Variants in LRBA observed in about 807,000 individuals in gnomAD.
The protein encoded by LRBA is lipopolysaccharide-responsive and beige-like anchor protein.
A neutral mutation model predicts 330.0 loss-of-function variants in LRBA; 176 were observed. That is an observed-to-expected ratio of 0.53 (90% CI 0.47 to 0.60). The LOEUF (loss-of-function observed/expected upper bound fraction) is 0.60. Among genes scored for constraint, LRBA ranks in the 20% least tolerant of loss-of-function variants. The pLI, the probability that LRBA is intolerant of heterozygous loss-of-function variation, is 0.00. For synonymous variants in LRBA, 1,230 were observed against 1,193.0 expected (o/e 1.03, Z -0.64); for missense variants, 3,259 against 3,444.8 (o/e 0.95, Z 1.35).
In LRBA at chr4:150,590,692, C is replaced by T. The variant is rs112197879; in HGVS notation, c.6193+21G>A. On this transcript the variant is annotated intron_variant, in intron 39 of 56. Coordinates refer to ENST00000651943, the MANE Select transcript of LRBA (RefSeq NM_001364905.1). ...ATTGTCCCAGAGGTAGCTGAAATAT[C>T]TGCACAACCACCAAATTTACCGGCA... The T allele has an allele frequency of 2.0e-5, 32 of 1,610,686 alleles. No homozygotes were observed. In the African/African-American group the frequency reaches 2.5e-4, roughly 13 times the overall value.
intron 36 of LRBA, among the ~76,000 whole-genome samples, chr4:150,734,619 G>A (rs1020645098): frequency 1.3e-5 from 2 of 152,058 alleles, no homozygotes; most frequent in African/African-American, 4.8e-5. Flanking sequence ...TTCACCTTAG[G>A]TGAATTTGGG....
intron 50 of LRBA, among the ~76,000 whole-genome samples, chr4:150,320,301 T>A (rs747022248): frequency 7.9e-5 from 12 of 152,190 alleles, no homozygotes; most frequent in Non-Finnish European, 1.5e-4. Flanking sequence ...CCTCTTTAAA[T>A]CTGCACTGTT....
At chr4:150,403,795 G>A (rs1055047465) in intron 47 of LRBA, among the ~76,000 whole-genome samples, 2 of 152,132 alleles carry the variant, frequency 1.3e-5, no homozygotes, top group African/African-American at 4.8e-5. Context: ...GCTGAGGAGG[G>A]CAGATCATTT....
At chr4:150,650,342 A>T (rs4417951) in intron 37 of LRBA, among the ~76,000 whole-genome samples, 120,501 of 151,862 alleles carry the variant, frequency 0.79, 51,750 homozygotes, top group Non-Finnish European at 0.95. Flanking sequence ...ACTTTTCCCA[A>T]TTTCTATAAA....
intron 47 of LRBA, among the ~76,000 whole-genome samples, chr4:150,394,680 A>C (rs1744460498): frequency 6.6e-6 from 1 of 152,216 alleles, no homozygotes; most frequent in African/African-American, 2.4e-5. Context: ...TAAGCCTTAG[A>C]GCTAGAATGA....
At chr4:150,999,824 T>C (rs939282153) in intron 2 of LRBA, among the ~76,000 whole-genome samples, 1 of 152,204 alleles carries the variant, frequency 6.6e-6, no homozygotes, top group Admixed American at 6.5e-5. Context: ...TCAAGTACTC[T>C]TCTAGGGGCT....
rs1188758558 is a variant in LRBA at position 150,352,634 on chromosome 4, A to T, written c.7195-2475T>A. Among the ~76,000 whole-genome samples, 6 of 152,340 alleles carry T rather than the reference A, an allele frequency of 3.9e-5. No individual in the cohort carries two copies. The East Asian group carries it at 9.6e-4, about 24-fold the overall frequency. On this transcript the variant is annotated intron_variant, in intron 47 of 56. Coordinates refer to ENST00000651943, the MANE Select transcript of LRBA (RefSeq NM_001364905.1). ...AATAAGAAGAGAGGAGCTTGTGATA[A>T]CTTTAAGTAAATGCCTATTTTAAGT...
intron 47 of LRBA, among the ~76,000 whole-genome samples, chr4:150,366,624 G>A (rs531162646): frequency 1.3e-5 from 2 of 152,256 alleles, no homozygotes; most frequent in African/African-American, 4.8e-5. Context: ...AGCCAGGCAT[G>A]GATAGGCCTC....
At chr4:150,478,661 T>A (rs1335009331) in intron 42 of LRBA, among the ~76,000 whole-genome samples, 1 of 152,208 alleles carries the variant, frequency 6.6e-6, no homozygotes, top group Non-Finnish European at 1.5e-5. Flanking sequence ...TTTCCAACAT[T>A]TCTTAGAACA....
intron 33 of LRBA, among the ~76,000 whole-genome samples, chr4:150,803,022 CAAAAAAAAAA>C (rs746026878): frequency 5.7e-5 from 2 of 34,796 alleles, no homozygotes; most frequent in Admixed American, 3.4e-4. Flanking sequence ...ACTCTGTCTC[CAAAAAAAAAA>C]AAAAAAAAAA....
intron 40 of LRBA, chr4:150,582,926 G>C (rs1581738987): frequency 7.4e-7 from 1 of 1,349,006 alleles, no homozygotes; most frequent in Non-Finnish European, 1.0e-6. Context: ...AACGGGGAGC[G>C]CACCGCCTCT....
intron 49 of LRBA, among the ~76,000 whole-genome samples, chr4:150,323,783 C>T (rs546433288): frequency 6.6e-6 from 1 of 152,324 alleles, no homozygotes; most frequent in Non-Finnish European, 1.5e-5. Flanking sequence ...CACTACTAGG[C>T]TACTCTGCAG....
chr4:150,871,045 A>G (rs1329160903), intron 19 of LRBA, among the ~76,000 whole-genome samples: 1 of 152,082 alleles, frequency 6.6e-6, no homozygotes, highest in Non-Finnish European at 1.5e-5. Flanking sequence ...GGAGTTCGAG[A>G]CCAGCCTAGC....
intron 22 of LRBA, among the ~76,000 whole-genome samples, chr4:150,862,715 G>A (rs1023474107): frequency 6.0e-5 from 9 of 149,574 alleles, no homozygotes; most frequent in African/African-American, 1.2e-4. Context: ...AGTCACGCAC[G>A]CCTGTAATCC....
intron 40 of LRBA, among the ~76,000 whole-genome samples, chr4:150,510,314 T>C (rs1022518847): frequency 2.6e-5 from 4 of 152,108 alleles, no homozygotes; most frequent in African/African-American, 9.7e-5. Context: ...AGGAAGAAAC[T>C]CTATACAAAC....
chr4:150,281,852 G>A (rs1747576701), intron 55 of LRBA, among the ~76,000 whole-genome samples: 1 of 152,206 alleles, frequency 6.6e-6, no homozygotes, highest in African/African-American at 2.4e-5. Flanking sequence ...CTGTCCTGGA[G>A]ATGAAGCAAG....
At chr4:150,490,560 T>C (rs1758785470) in intron 41 of LRBA, among the ~76,000 whole-genome samples, 1 of 151,986 alleles carries the variant, frequency 6.6e-6, no homozygotes, top group East Asian at 1.9e-4. Context: ...TGAATCGTTA[T>C]TGTCCTCTCC....
At chr4:150,485,751 A>C (rs1318604498) in intron 42 of LRBA, among the ~76,000 whole-genome samples, 1 of 152,006 alleles carries the variant, frequency 6.6e-6, no homozygotes, top group Non-Finnish European at 1.5e-5. Context: ...TCTGTTGTTT[A>C]AGCCACCCAA....
intron 2 of LRBA, among the ~76,000 whole-genome samples, chr4:150,963,375 C>T (rs937664703): frequency 7.4e-5 from 11 of 149,476 alleles, no homozygotes; most frequent in Non-Finnish European, 8.8e-5. Flanking sequence ...TTGGTGGAGA[C>T]GGGGTTTCGC....
Sources: allele counts gnomAD v4.1 joint callset (sites outside exome capture counted in the v4.1 genomes callset), GRCh38; gene constraint gnomAD v4.1.1; transcripts MANE v1.5; gene names NCBI Gene and HGNC (gene_info 2026-07-23, HGNC 2026-07-21).